BNC2: variants seen among roughly 807,000 people sequenced by gnomAD.
The protein encoded by BNC2 is zinc finger protein basonuclin-2.
A neutral mutation model predicts 76.3 loss-of-function variants in BNC2; 20 were observed. The observed-to-expected ratio is 0.26, with a 90% CI of 0.18 to 0.38. The LOEUF (loss-of-function observed/expected upper bound fraction) is 0.38. Among genes scored for constraint, BNC2 ranks in the 10% least tolerant of loss-of-function variants. The probability of loss-of-function intolerance (pLI) is 1.00; values close to 1 mark genes in which losing one functional copy is unlikely to be tolerated. For missense variants in BNC2, 1,382 were observed against 1,399.8 expected, an observed-to-expected ratio of 0.99 and a Z score of 0.20; for synonymous variants, 582 against 514.8, an observed-to-expected ratio of 1.13 and a Z score of -1.77.
At chr9:16,862,859 T>C (rs1373117327) in intron 1 of BNC2, among the ~76,000 whole-genome samples, 1 of 151,732 alleles carries the variant, frequency 6.6e-6, no homozygotes, top group Non-Finnish European at 1.5e-5. Context: ...TGTGGGAAGG[T>C]CACCAGCCTT....
intron 4 of BNC2, among the ~76,000 whole-genome samples, chr9:16,574,637 G>T (rs766548167): frequency 6.6e-6 from 1 of 152,068 alleles, no homozygotes; most frequent in Non-Finnish European, 1.5e-5. Context: ...TCCCTGGAAG[G>T]AGAAATAGTT....
chr9:16,506,513 C>T (rs200269238), intron 5 of BNC2, among the ~76,000 whole-genome samples: 1,080 of 43,346 alleles, frequency 0.025, 38 homozygotes, highest in African/African-American at 0.079. Flanking sequence ...TCTCTCTCCT[C>T]TTTTTTTTTT....
chr9:16,722,106 T>C (rs935609563), intron 3 of BNC2, among the ~76,000 whole-genome samples: 1 of 152,168 alleles, frequency 6.6e-6, no homozygotes, highest in Non-Finnish European at 1.5e-5. Context: ...CACCAGAATT[T>C]GTGTTTTTCA....
intron 4 of BNC2, among the ~76,000 whole-genome samples, chr9:16,563,323 G>A (rs1927616): frequency 0.19 from 28,175 of 151,940 alleles, 4,664 homozygotes; most frequent in African/African-American, 0.44. Context: ...GAAGACTAAC[G>A]ATTAAATTTA....
chr9:16,795,701 T>C (rs933909359), intron 1 of BNC2, among the ~76,000 whole-genome samples: 17 of 152,184 alleles, frequency 1.1e-4, no homozygotes, highest in African/African-American at 3.6e-4. Context: ...AGACACTTCA[T>C]GATTGTCATG....
chr9:16,755,198 G>C (rs992216570), intron 1 of BNC2, among the ~76,000 whole-genome samples: 1 of 152,160 alleles, frequency 6.6e-6, no homozygotes, highest in South Asian at 2.1e-4. Flanking sequence ...TTCAAAAAGA[G>C]AGAGCAAGAG....
intron 1 of BNC2, among the ~76,000 whole-genome samples, chr9:16,758,832 A>C (rs1825469998): frequency 6.6e-6 from 1 of 152,210 alleles, no homozygotes; most frequent in African/African-American, 2.4e-5. Flanking sequence ...TATATCCATC[A>C]ATCTTATTAT....
At chr9:16,501,404 T>G (rs7041549) in intron 5 of BNC2, among the ~76,000 whole-genome samples, 39,171 of 152,070 alleles carry the variant, frequency 0.26, 5,552 homozygotes, top group African/African-American at 0.37. Context: ...GCTTTTTATA[T>G]AACCTTCTCA....
chr9:16,419,424 C>T lies in BNC2; in HGVS notation c.2865G>A (p.Glu955=), dbSNP rs1346791164. 1.2e-6 allele frequency: 2 copies of T among 1,606,864 alleles called. No homozygotes were observed. The highest frequency in any genetic ancestry group is 2.2e-5 in the South Asian group (2 of 89,848). The change falls in exon 7 of 7, where the codon GAG becomes GAA. Residue 955 remains glutamate (E), a synonymous_variant. Transcript: ENST00000380672. The part of the protein sequence containing the change: ...HLNGYGRGMA[E]DYMVLDLSTT... ...TGCTCAAGTCAAGGACCATGTAGTC[C>T]TCTGCCATGCCTCTCCCATACCCGT... is the stretch of plus-strand genomic sequence containing the variant.
At chr9:16,764,495 A>G (rs7044406) in intron 1 of BNC2, among the ~76,000 whole-genome samples, 6,785 of 152,276 alleles carry the variant, frequency 0.045, 523 homozygotes, top group African/African-American at 0.16. Context: ...ATATCCTGTC[A>G]TGTACCCAAA....
chr9:16,473,821 C>T (rs1397723089), intron 5 of BNC2, among the ~76,000 whole-genome samples: 1 of 151,978 alleles, frequency 6.6e-6, no homozygotes, highest in East Asian at 1.9e-4. Context: ...TGCAGTGAGC[C>T]GAGATTGTGC....
chr9:16,590,285 C>T (rs1008519424), intron 3 of BNC2, among the ~76,000 whole-genome samples: 15 of 152,016 alleles, frequency 9.9e-5, no homozygotes, highest in Non-Finnish European at 7.4e-5. Flanking sequence ...CTCCGCCTCC[C>T]AGGTTCAAGA....
At chr9:16,553,545 T>G (rs1239097075) in intron 4 of BNC2, among the ~76,000 whole-genome samples, 1 of 152,162 alleles carries the variant, frequency 6.6e-6, no homozygotes, top group East Asian at 1.9e-4. Context: ...AGGGTACAGA[T>G]GAAAATGGAA....
intron 5 of BNC2, among the ~76,000 whole-genome samples, chr9:16,506,718 G>T (rs779457166): frequency 3.3e-5 from 5 of 150,442 alleles, no homozygotes; most frequent in Non-Finnish European, 5.9e-5. Flanking sequence ...TTGAGACGGG[G>T]TTTCACCATG....
intron 1 of BNC2, among the ~76,000 whole-genome samples, chr9:16,826,968 A>G (rs1198035279): frequency 2.0e-5 from 3 of 152,270 alleles, no homozygotes; most frequent in Non-Finnish European, 4.4e-5. Context: ...CCTGATGCAG[A>G]AAAACCAAAG....
Position 16,436,491 on chromosome 9 carries a change from G to A in BNC2, c.1703C>T (p.Pro568Leu). 1 of 1,614,092 alleles carries A rather than the reference G, an allele frequency of 6.2e-7. No individual in the cohort carries two copies. The change falls in exon 6 of 7, where the codon CCA (proline) becomes CTA (leucine). Residue 568 changes from proline (P) to leucine (L), a missense_variant. Physicochemically the swap from Pro to Leu is moderately conservative, Grantham distance 98. This residue lies in a region of BNC2 where 798 missense variants were observed against 775.5 expected (regional missense o/e 1.03). Coordinates refer to ENST00000380672, the MANE Select transcript of BNC2 (RefSeq NM_017637.6). The part of the protein sequence containing the change: ...LVFSGLKTVQ[P>L]VPPFYRSLLT... The stretch of plus-strand genomic sequence containing the variant: ...TAAACTTCTATAAAATGGAGGAACT[G>A]GTTGTACAGTCTTTAGCCCAGAAAA...
rs568955982 is a variant in BNC2 at position 16,506,513 on chromosome 9, C to CTTTTTTTTTTTT, written c.669+46005_669+46016dup. Among the ~76,000 whole-genome samples the CTTTTTTTTTTTT allele has an allele frequency of 3.7e-4, 16 of 43,340 alleles. 3 individuals are homozygous for CTTTTTTTTTTTT. Among genetic ancestry groups the CTTTTTTTTTTTT allele is most frequent in the African/African-American group, 9.7e-4 (12 of 12,400 alleles). The allele number at this position is 43,340 out of a possible 152,430, so 28.4% of individuals were successfully genotyped here. A position where few individuals can be genotyped will look rare whatever the true frequency, so the allele number is the denominator to read the frequency against. On this transcript the variant is annotated intron_variant, in intron 5 of 6. Coordinates refer to ENST00000380672, the MANE Select transcript of BNC2 (RefSeq NM_017637.6). ...GTACACTTCTCTCTCTCTCTCTCCT[C>CTTTTTTTTTTTT]TTTTTTTTTTTTTTTTTTTTTTTTT... is the stretch of plus-strand genomic sequence containing the variant.
At chr9:16,476,512 T>C (rs1421220687) in intron 5 of BNC2, among the ~76,000 whole-genome samples, 5 of 151,862 alleles carry the variant, frequency 3.3e-5, no homozygotes, top group Admixed American at 6.6e-5. Flanking sequence ...AGGAAGTGAT[T>C]CCAGAAGTAC....
At chr9:16,556,548 T>C (rs1818838203) in intron 4 of BNC2, among the ~76,000 whole-genome samples, 1 of 151,910 alleles carries the variant, frequency 6.6e-6, no homozygotes, top group Admixed American at 6.6e-5. Flanking sequence ...GGCGGGTGGA[T>C]CATGAGGTCA....
Sources: gnomAD v4.1 joint callset for allele counts (sites outside exome capture counted in the v4.1 genomes callset) on GRCh38, gnomAD v4.1.1 for gene constraint, gnomAD v4.1.1 regional missense constraint, MANE v1.5 for transcripts, NCBI Gene and HGNC (gene_info 2026-07-23, HGNC 2026-07-21) for gene names.